The following SPTB variants were observed in gnomAD, a reference collection of about 807,000 sequenced individuals.
SPTB encodes spectrin beta chain, erythrocytic.
SPTB carries 45 observed loss-of-function variants against 256.2 expected under a neutral mutation model. The ratio of observed to expected loss-of-function variants is 0.18; its 90% CI spans 0.14 to 0.23. The LOEUF (loss-of-function observed/expected upper bound fraction) is 0.23. SPTB is among the 10% of genes least tolerant of loss of function. The pLI is 1.00. For synonymous variants in SPTB, 1,231 were observed against 1,243.1 expected (o/e 0.99, Z 0.21); for missense variants, 2,715 against 3,040.4 (o/e 0.89, Z 2.52).
rs2081980159 is a variant in SPTB, at chr14:64,753,525, T to C, written c.6602+12A>G. ...CAACCTACCCTCAGCCAGCAGCCTC[T>C]CCCGCACTCACCTGTTGGAAGCCTT... On this transcript the variant is annotated intron_variant, in intron 33 of 35. Coordinates refer to ENST00000644917, the MANE Select transcript of SPTB (RefSeq NM_001355436.2). 1 of 1,613,328 alleles carries C rather than the reference T, an allele frequency of 6.2e-7. No individual in the cohort carries two copies. Among genetic ancestry groups the C allele is most frequent in the Non-Finnish European group, 8.5e-7 (1 of 1,179,992 alleles).
chr14:64,772,712 G>A lies in SPTB; in HGVS notation c.5421C>T (p.Ala1807=), dbSNP rs139645789. The part of the protein sequence containing the change: ...YDLHRYFYTG[A]EILGLIDEKH... The stretch of plus-strand genomic sequence containing the variant: ...TCTCGTCGATGAGGCCCAGGATCTC[G>A]GCACCCGTGTAGAAGTAGCGGTGCA... Residue 1807 remains alanine, a synonymous_variant, in exon 26 of 36, where the codon GCC becomes GCT. Coordinates refer to ENST00000644917, the MANE Select transcript of SPTB (RefSeq NM_001355436.2). This position sits in a 1 kb window ranked among gnomAD's most constrained non-coding sequence, Gnocchi z 5.4. 3.0e-5 allele frequency: 49 copies of A among 1,613,852 alleles called. No homozygotes were observed. The highest frequency in any genetic ancestry group is 2.4e-4 in the African/African-American group (18 of 75,046).
Position 64,794,584 on chromosome 14 carries a change from A to G in SPTB, c.1678T>C (p.Leu560=). ...TGTAGCAGGTCTTCAACCTCCAACAAGTGCTTCCCAAACTCGGCAGACAAG... is the reference window on the plus strand; with the variant it reads ...TGTAGCAGGTCTTCAACCTCCAACAGGTGCTTCCCAAACTCGGCAGACAAG... ...HLLSAEFGKH[L]LEVEDLLQKH... Residue 560 remains leucine (L), a synonymous_variant, in exon 13 of 36, where the codon TTG becomes CTG. Coordinates refer to ENST00000644917, the MANE Select transcript of SPTB (RefSeq NM_001355436.2). 1 of 1,614,202 alleles carries G rather than the reference A, an allele frequency of 6.2e-7. No individual in the cohort carries two copies.
rs1287402153 is a variant in SPTB at position 64,760,102 on chromosome 14, C to T, written c.6346-6309G>A. Among the ~76,000 whole-genome samples, 1 of 152,116 alleles carries T rather than the reference C, an allele frequency of 6.6e-6. No individual in the cohort carries two copies. Among genetic ancestry groups the T allele is most frequent in the Non-Finnish European group, 1.5e-5 (1 of 68,030 alleles). ...GGGGTCTCACAGGATTGTAGTCAAA[C>T]CAACAGGGAGAGGCCACAGGCTCCC... On this transcript the variant is annotated intron_variant, in intron 32 of 35. Transcript: ENST00000644917. This position sits in a 1 kb window ranked among gnomAD's most constrained non-coding sequence, Gnocchi z 4.3.
chr14:64,799,332 G>A (rs536893773), intron 9 of SPTB, among the ~76,000 whole-genome samples: 1 of 152,304 alleles, frequency 6.6e-6, no homozygotes, highest in African/African-American at 2.4e-5. Flanking sequence ...AAAGAAGGAT[G>A]AACTTGACAA....
At chr14:64,781,280 AACAG>A (rs1182743331) in intron 20 of SPTB, among the ~76,000 whole-genome samples, 8 of 152,218 alleles carry the variant, frequency 5.3e-5, no homozygotes, top group African/African-American at 1.9e-4. Context: ...CAACAGAGTA[AACAG>A]ACAGCCTGCA....
At position 64,786,960 on chromosome 14, in the gene SPTB, C is replaced by T. The variant is rs780815297; in HGVS notation, c.3005G>A (p.Arg1002His). The T allele has an allele frequency of 2.0e-5, 32 of 1,613,884 alleles. 1 individual carries two copies. Among genetic ancestry groups the T allele is most frequent in the Middle Eastern group, 3.3e-4 (2 of 6,084 alleles). ...ACGGGCCTGGATGGCGGCCACGTCACGCTCCAGCCCTGACAACTTCCTCTG... is the reference window on the plus strand; with the variant it reads ...ACGGGCCTGGATGGCGGCCACGTCATGCTCCAGCCCTGACAACTTCCTCTG... ...AIQRKLSGLE[R>H]DVAAIQARVD... The change falls in exon 16 of 36, where the codon CGT becomes CAT. Residue 1002 changes from arginine to histidine, a missense_variant. This residue lies in a region of SPTB where 2,239 missense variants were observed against 2,384.4 expected (regional missense o/e 0.94). Coordinates refer to ENST00000644917, the MANE Select transcript of SPTB (RefSeq NM_001355436.2). The surrounding 1 kb of genome is among the most constrained non-coding windows in gnomAD (Gnocchi z 5.6).
Position 64,877,638 on chromosome 14 carries a change from A to C in SPTB, c.-52+2154T>G, listed in dbSNP as rs374975609. 8.3e-4 allele frequency among the ~76,000 whole-genome samples: 126 copies of C among 152,364 alleles called. 5 individuals carry two copies. The South Asian group carries it at 0.025, about 31-fold the overall frequency. On this transcript the variant is annotated intron_variant, in intron 1 of 35. Transcript: ENST00000644917. ...TTTCCTCATTCATTCAACAAAGGTT[A>C]ACTGAGGTTCCACTACCATCCAGGT...
chr14:64,850,259 G>A (rs964506011), intron 1 of SPTB, among the ~76,000 whole-genome samples: 4 of 152,172 alleles, frequency 2.6e-5, no homozygotes, highest in Non-Finnish European at 4.4e-5. Context: ...GACAGGGGAC[G>A]TCAGGTGGGT....
chr14:64,795,415 C>T lies in SPTB; in HGVS notation c.1566G>A (p.Gln522=), dbSNP rs775623711. 6.2e-7 allele frequency: 1 copy of T among 1,614,208 alleles called. No homozygotes were observed. The part of the protein sequence containing the change: ...YLQELLQSRR[Q]RLETTLALQK... ...GCAGTGCCAGGGTGGTCTCGAGCCT[C>T]TGGCGCCGGGACTGCAGCAGCTCCT... Residue 522 remains glutamine (Q), a synonymous_variant, in exon 12 of 36, where the codon CAG becomes CAA. Coordinates refer to ENST00000644917, the MANE Select transcript of SPTB (RefSeq NM_001355436.2). The surrounding 1 kb of genome is among the most constrained non-coding windows in gnomAD (Gnocchi z 6.5).
At chr14:64,769,304 C>G (rs997386015) in intron 28 of SPTB, among the ~76,000 whole-genome samples, 186 bp from the exon 29 acceptor site, 5 of 152,222 alleles carry the variant, frequency 3.3e-5, no homozygotes, top group Admixed American at 1.3e-4. Context: ...GCCCATGCGC[C>G]TCTCCTATTA....
intron 1 of SPTB, among the ~76,000 whole-genome samples, chr14:64,871,217 T>C (rs1320313250): frequency 6.6e-6 from 1 of 152,064 alleles, no homozygotes; most frequent in African/African-American, 2.4e-5. Context: ...TACTGTGGAG[T>C]GGAGTGTTCC....
chr14:64,786,394 G>C lies in SPTB; in HGVS notation c.3561+10C>G. On this transcript the variant is annotated intron_variant, in intron 16 of 35. Transcript: ENST00000644917. This position sits in a 1 kb window ranked among gnomAD's most constrained non-coding sequence, Gnocchi z 5.6. Reference sequence around the variant, plus strand: ...AGACCCGCCTGTCCCAGCCCTGAATGCCTCTCTACCTGGTTGCTGAGGATG... The same window carrying C: ...AGACCCGCCTGTCCCAGCCCTGAATCCCTCTCTACCTGGTTGCTGAGGATG... 1 of 1,613,924 alleles carries C rather than the reference G, an allele frequency of 6.2e-7. No homozygotes were observed. The highest frequency in any genetic ancestry group is 8.5e-7 in the Non-Finnish European group (1 of 1,180,026).
At chr14:64,849,338 C>T (rs572805640) in intron 1 of SPTB, among the ~76,000 whole-genome samples, 5 of 152,292 alleles carry the variant, frequency 3.3e-5, no homozygotes, top group Non-Finnish European at 7.3e-5. Flanking sequence ...GGGGACTAGA[C>T]GAGAGGTGGG....
intron 32 of SPTB, chr14:64,757,572 CT>C (rs2139443003): frequency 6.6e-6 from 1 of 152,402 alleles, no homozygotes; most frequent in Non-Finnish European, 1.5e-5. Context: ...ACTCTCCACC[CT>C]GAAGGCCAAG....
In SPTB at chr14:64,802,115, G is replaced by A; in HGVS notation, c.566+111C>T. The A allele has an allele frequency of 1.9e-6, 2 of 1,044,574 alleles. No homozygotes were observed. The highest frequency in any genetic ancestry group is 2.9e-6 in the Non-Finnish European group (2 of 677,992). The allele number at this position is 1,044,574 out of a possible 1,614,324, so 64.7% of individuals were successfully genotyped here. A position where few individuals can be genotyped will look rare whatever the true frequency, so the allele number is the denominator to read the frequency against. ...ACAGACTTTGCATCAATTACAGGGA[G>A]GCAGCTGTAGTTCTGGGTGATGATG... On this transcript the variant is annotated intron_variant, in intron 5 of 35. Coordinates refer to ENST00000644917, the MANE Select transcript of SPTB (RefSeq NM_001355436.2). The surrounding 1 kb of genome is among the most constrained non-coding windows in gnomAD (Gnocchi z 5.1).
intron 32 of SPTB, among the ~76,000 whole-genome samples, chr14:64,765,025 C>CGTGTGTGTGTGTGTGTGTGTGTGT (rs565885364): frequency 1.1e-4 from 13 of 118,252 alleles, no homozygotes; most frequent in South Asian, 3.1e-4. Flanking sequence ...GGAGTGTGTG[C>CGTGTGTGTGTGTGTGTGTGTGTGT]GTGTGTGTGT....
At position 64,749,906 on chromosome 14, in the gene SPTB, C is replaced by T. The variant is rs561908039; in HGVS notation, c.6776+75G>A. 7 of 1,594,612 alleles carry T rather than the reference C, an allele frequency of 4.4e-6. No homozygotes were observed. The highest frequency in any genetic ancestry group is 2.2e-5 in the East Asian group (1 of 44,798). On this transcript the variant is annotated intron_variant, in intron 34 of 35. Transcript: ENST00000644917. This position sits in a 1 kb window ranked among gnomAD's most constrained non-coding sequence, Gnocchi z 4.7. ...GCTCAGGCCTGGCACTGGTCCCCTA[C>T]AGAGGGCCTCTGCCCTGCCACTAAT... is the stretch of plus-strand genomic sequence containing the variant.
At chr14:64,869,438 A>C (rs1354848774) in intron 1 of SPTB, among the ~76,000 whole-genome samples, 1 of 151,878 alleles carries the variant, frequency 6.6e-6, no homozygotes, top group Non-Finnish European at 1.5e-5. Context: ...TTCTTTTTTA[A>C]ATTTTTAATT....
intron 2 of SPTB, among the ~76,000 whole-genome samples, chr14:64,811,324 CATAAT>C (rs2083086217): frequency 6.6e-6 from 1 of 152,146 alleles, no homozygotes; most frequent in Non-Finnish European, 1.5e-5. Flanking sequence ...ACAAGTCACT[CATAAT>C]AGAAGTCCAA....
Sources: gnomAD v4.1 joint callset for allele counts (sites outside exome capture counted in the v4.1 genomes callset) on GRCh38, gnomAD v4.1.1 for gene constraint, gnomAD v4.1.1 regional missense constraint, Gnocchi (gnomAD v3.1) non-coding constraint, MANE v1.5 for transcripts, NCBI Gene and HGNC (gene_info 2026-07-23, HGNC 2026-07-21) for gene names.